The following KIF2A variants were observed in gnomAD, a reference collection of about 807,000 sequenced individuals.
KIF2A encodes kinesin family member 2A, also known as kinesin-like protein KIF2A.
A neutral mutation model predicts 100.2 loss-of-function variants in KIF2A; 22 were observed. The observed-to-expected ratio is 0.22, with a 90% confidence interval of 0.16 to 0.31. The LOEUF (loss-of-function observed/expected upper bound fraction) is 0.31, where lower values mean the gene tolerates loss of function less well. KIF2A is among the 10% of genes least tolerant of loss of function. KIF2A has a pLI of 1.00. For synonymous variants in KIF2A, 268 were observed against 285.9 expected (o/e 0.94, Z 0.63); for missense variants, 495 against 898.7 (o/e 0.55, Z 5.74).
At chr5:62,306,575 C>A (rs370806112) in intron 1 of KIF2A, 39 bp downstream of exon 1, 11 of 1,517,412 alleles carry the variant, frequency 7.2e-6, no homozygotes, top group African/African-American at 5.6e-5. Context: ...CGCTCGGCCC[C>A]GTGTTCGGGT....
At chr5:62,313,905 C>T (rs1745678083) in intron 1 of KIF2A, among the ~76,000 whole-genome samples, 1 of 152,068 alleles carries the variant, frequency 6.6e-6, no homozygotes, top group Non-Finnish European at 1.5e-5. Context: ...AATCCTCTCA[C>T]CTTAACTTCC....
chr5:62,331,712 G>A (rs753381797), intron 1 of KIF2A, among the ~76,000 whole-genome samples: 3 of 148,472 alleles, frequency 2.0e-5, no homozygotes, highest in Admixed American at 2.0e-4. Context: ...CTTGCCATAT[G>A]TATGGTCATA....
intron 18 of KIF2A, among the ~76,000 whole-genome samples, chr5:62,376,349 A>G (rs1741541570): frequency 6.6e-6 from 1 of 152,202 alleles, no homozygotes; most frequent in Non-Finnish European, 1.5e-5. Flanking sequence ...TTGTCTTAAC[A>G]AAGTAGATTA....
At chr5:62,328,337 A>G (rs183038656) in intron 1 of KIF2A, among the ~76,000 whole-genome samples, 10 of 141,584 alleles carry the variant, frequency 7.1e-5, no homozygotes, top group Admixed American at 4.9e-4. Context: ...TTTTTTTTAC[A>G]TTGTTACTAT....
At chr5:62,321,817 C>A (rs1746104360) in intron 1 of KIF2A, among the ~76,000 whole-genome samples, 1 of 152,014 alleles carries the variant, frequency 6.6e-6, no homozygotes, top group African/African-American at 2.4e-5. Flanking sequence ...CCTTGGCCTC[C>A]CAAAATTCTG....
intron 1 of KIF2A, among the ~76,000 whole-genome samples, chr5:62,344,549 G>A (rs1747460638): frequency 6.6e-6 from 1 of 152,152 alleles, no homozygotes; most frequent in Non-Finnish European, 1.5e-5. Context: ...AGGTCCCACT[G>A]TTGGTGAGAA....
At chr5:62,324,822 C>T (rs1746281832) in intron 1 of KIF2A, among the ~76,000 whole-genome samples, 1 of 144,790 alleles carries the variant, frequency 6.9e-6, no homozygotes, top group Non-Finnish European at 1.5e-5. Flanking sequence ...TGACCAAGTC[C>T]CCAAAACAAT....
At chr5:62,341,889 G>A (rs1747311505) in intron 1 of KIF2A, among the ~76,000 whole-genome samples, 1 of 152,076 alleles carries the variant, frequency 6.6e-6, no homozygotes, top group South Asian at 2.1e-4. Context: ...TAATTGCATG[G>A]AGATCCACCT....
rs772165829 is a variant in KIF2A at position 62,352,641 on chromosome 5, G to A, written c.388G>A (p.Ala130Thr). ...PSQFPEQSSS[A>T]QQNGSVSDIS... ...TCAATTTCCTGAACAGTCTTCCTCT[G>A]CACAACAGAATGGTAGTGTTTCAGA... The change falls in exon 5 of 21, where the codon GCA (alanine) becomes ACA (threonine). Residue 130 changes from alanine (A) to threonine (T), a missense_variant. Ala to Thr is a moderately conservative substitution (Grantham distance 58). Transcript: ENST00000407818. 1 of 1,607,826 alleles carries A rather than the reference G, an allele frequency of 6.2e-7. No individual in the cohort carries two copies.
chr5:62,340,542 A>G (rs978427324), intron 1 of KIF2A, among the ~76,000 whole-genome samples: 2 of 152,118 alleles, frequency 1.3e-5, no homozygotes, highest in African/African-American at 4.8e-5. Context: ...ATTAACGTCT[A>G]TGCATGATCC....
At chr5:62,334,592 C>G (rs1240248109) in intron 1 of KIF2A, among the ~76,000 whole-genome samples, 1 of 151,472 alleles carries the variant, frequency 6.6e-6, no homozygotes, top group South Asian at 2.1e-4. Context: ...CTGCCCCTAC[C>G]TTACTCAACC....
intron 1 of KIF2A, among the ~76,000 whole-genome samples, chr5:62,328,034 A>G (rs768359576): frequency 2.0e-5 from 3 of 152,230 alleles, no homozygotes; most frequent in Non-Finnish European, 4.4e-5. Flanking sequence ...ATTAGATAGC[A>G]TCGTTCAGTG....
intron 1 of KIF2A, chr5:62,308,357 T>C (rs775746362): frequency 1.3e-5 from 19 of 1,473,732 alleles, no homozygotes; most frequent in Non-Finnish European, 1.6e-5. Context: ...TTACATATTA[T>C]TTTGAAGATT....
At chr5:62,313,686 CT>C (rs985549375) in intron 1 of KIF2A, among the ~76,000 whole-genome samples, 2 of 152,164 alleles carry the variant, frequency 1.3e-5, no homozygotes, top group African/African-American at 4.8e-5. Flanking sequence ...ATTATCAGCC[CT>C]AATAGCCCTA....
At chr5:62,316,733 A>T (rs962822875) in intron 1 of KIF2A, among the ~76,000 whole-genome samples, 6 of 152,156 alleles carry the variant, frequency 3.9e-5, no homozygotes, top group African/African-American at 1.4e-4. Flanking sequence ...GATAGCGCGG[A>T]GGGTGTGTGG....
Position 62,306,361 on chromosome 5 carries a change from G to C in KIF2A, c.-112G>C. The C allele has an allele frequency of 3.4e-6, 3 of 870,546 alleles. No homozygotes were observed. Among genetic ancestry groups the C allele is most frequent in the Non-Finnish European group, 5.4e-6 (3 of 555,226 alleles). 53.9% of individuals were successfully genotyped at this position (870,546 alleles called of 1,614,324 possible). On this transcript the variant is annotated 5_prime_UTR_variant, in exon 1 of 21. Coordinates refer to ENST00000407818, the MANE Select transcript of KIF2A (RefSeq NM_001098511.3). ...TTGCGTTCACGCTGTCGCCCGGGCC[G>C]GCGCGGCCGCGGGCAACCGCTCCCC...
intron 4 of KIF2A, 78 bp downstream of exon 4, chr5:62,350,198 A>AT: frequency 1.4e-6 from 1 of 739,828 alleles, no homozygotes; most frequent in South Asian, 1.8e-5. Flanking sequence ...AAAAGTAAAC[A>AT]TTACCCTTGA....
intron 19 of KIF2A, among the ~76,000 whole-genome samples, chr5:62,380,084 G>A (rs903741821): frequency 6.6e-6 from 1 of 152,130 alleles, no homozygotes; most frequent in African/African-American, 2.4e-5. Context: ...GAAGAGACAG[G>A]GTTTCACCAT....
At chr5:62,350,873 C>T (rs1224206527) in intron 4 of KIF2A, among the ~76,000 whole-genome samples, 1 of 150,148 alleles carries the variant, frequency 6.7e-6, no homozygotes, top group Admixed American at 6.7e-5. Flanking sequence ...GATCGCACGA[C>T]TGCACTCCAG....
Sources: allele counts gnomAD v4.1 joint callset (sites outside exome capture counted in the v4.1 genomes callset), GRCh38; gene constraint gnomAD v4.1.1; transcripts MANE v1.5; gene names NCBI Gene and HGNC (gene_info 2026-07-23, HGNC 2026-07-21).